Variants in KIAA1217 observed in about 807,000 individuals in gnomAD.
The protein encoded by KIAA1217 is KIAA1217.
A neutral mutation model predicts 163.9 loss-of-function variants in KIAA1217; 88 were observed. The ratio of observed to expected loss-of-function variants is 0.54; its 90% CI spans 0.45 to 0.64. The LOEUF (loss-of-function observed/expected upper bound fraction) is 0.64. Ranked by LOEUF, KIAA1217 falls within the 30% of genes least tolerant of loss-of-function variation. The pLI is 0.00. For missense variants in KIAA1217, 2,372 were observed against 2,475.0 expected, an observed-to-expected ratio of 0.96 and a Z score of 0.88; for synonymous variants, 903 against 923.1, an observed-to-expected ratio of 0.98 and a Z score of 0.39.
intron 1 of KIAA1217, among the ~76,000 whole-genome samples, chr10:23,910,246 A>G (rs1040498027): frequency 6.6e-6 from 1 of 152,018 alleles, no homozygotes; most frequent in Non-Finnish European, 1.5e-5. Context: ...GTGTATACCT[A>G]TGTAAAAAAA....
chr10:24,430,709 C>T (rs117589958), intron 3 of KIAA1217, among the ~76,000 whole-genome samples: 3 of 152,270 alleles, frequency 2.0e-5, no homozygotes, highest in African/African-American at 7.2e-5. Flanking sequence ...CCTCACCATG[C>T]GCAGTTCACA....
chr10:24,053,252 C>G (rs1849646150), intron 2 of KIAA1217, among the ~76,000 whole-genome samples: 1 of 152,058 alleles, frequency 6.6e-6, no homozygotes, highest in Non-Finnish European at 1.5e-5. Context: ...TTAAATATAT[C>G]TCTCAGGAAC....
intron 2 of KIAA1217, among the ~76,000 whole-genome samples, chr10:24,092,355 A>T (rs1372129384): frequency 2.6e-5 from 4 of 151,838 alleles, no homozygotes; most frequent in African/African-American, 4.9e-5. Flanking sequence ...CATTATCAAG[A>T]TACTAAGGAC....
intron 1 of KIAA1217, among the ~76,000 whole-genome samples, chr10:23,859,671 T>A (rs1839865131): frequency 6.6e-6 from 1 of 152,246 alleles, no homozygotes; most frequent in African/African-American, 2.4e-5. Flanking sequence ...GGCCATGGCA[T>A]GTTGCAAAGG....
intron 1 of KIAA1217, among the ~76,000 whole-genome samples, chr10:23,911,822 G>A (rs974751253): frequency 3.9e-5 from 6 of 152,092 alleles, no homozygotes; most frequent in Non-Finnish European, 8.8e-5. Context: ...TTTGCAATCA[G>A]TAGGCAGGTG....
At chr10:24,083,387 T>G (rs556868864) in intron 2 of KIAA1217, among the ~76,000 whole-genome samples, 66 of 152,362 alleles carry the variant, frequency 4.3e-4, no homozygotes, top group African/African-American at 1.5e-3. Flanking sequence ...GTTCACTATT[T>G]GAATAGCCTC....
At chr10:23,716,203 T>C (rs1229227168) in intron 1 of KIAA1217, among the ~76,000 whole-genome samples, 1 of 152,194 alleles carries the variant, frequency 6.6e-6, no homozygotes, top group African/African-American at 2.4e-5. Flanking sequence ...AAACTATGCT[T>C]AGGGCATCTG....
intron 1 of KIAA1217, among the ~76,000 whole-genome samples, chr10:23,735,393 A>G (rs1418443535): frequency 2.0e-5 from 3 of 151,806 alleles, no homozygotes; most frequent in African/African-American, 7.3e-5. Flanking sequence ...TACCACTTTA[A>G]TTTTCTCCAG....
At chr10:24,436,314 A>C (rs2060016225) in intron 4 of KIAA1217, among the ~76,000 whole-genome samples, 1 of 152,234 alleles carries the variant, frequency 6.6e-6, no homozygotes, top group South Asian at 2.1e-4. Flanking sequence ...ACAATGTTTT[A>C]TTTGGTGATG....
chr10:23,978,925 G>C (rs1211236909), intron 1 of KIAA1217, among the ~76,000 whole-genome samples: 1 of 152,150 alleles, frequency 6.6e-6, no homozygotes, highest in Non-Finnish European at 1.5e-5. Context: ...GTTATGGAAA[G>C]AAGAGTAGTC....
intron 2 of KIAA1217, among the ~76,000 whole-genome samples, chr10:24,263,126 C>G (rs539550256): frequency 1.3e-5 from 2 of 152,170 alleles, no homozygotes; most frequent in Non-Finnish European, 2.9e-5. Context: ...CTGTTCCAGA[C>G]TTGGGCTGAT....
intron 2 of KIAA1217, among the ~76,000 whole-genome samples, chr10:24,175,707 G>C (rs568371822): frequency 6.6e-6 from 1 of 152,128 alleles, no homozygotes; most frequent in African/African-American, 2.4e-5. Flanking sequence ...TGTGTTTGGA[G>C]TTTCTTCCTT....
At chr10:24,162,486 G>A (rs901584563) in intron 2 of KIAA1217, among the ~76,000 whole-genome samples, 1 of 152,168 alleles carries the variant, frequency 6.6e-6, no homozygotes, top group Non-Finnish European at 1.5e-5. Context: ...GCAGGCCCTG[G>A]AGCAAGCAGG....
At chr10:24,015,171 A>G (rs901137744) in intron 2 of KIAA1217, among the ~76,000 whole-genome samples, 2 of 152,116 alleles carry the variant, frequency 1.3e-5, no homozygotes, top group African/African-American at 4.8e-5. Flanking sequence ...TGCTTTCCTG[A>G]TTCCTCCAAA....
chr10:24,107,313 T>C (rs2062670784), intron 2 of KIAA1217, among the ~76,000 whole-genome samples: 1 of 152,224 alleles, frequency 6.6e-6, no homozygotes, highest in South Asian at 2.1e-4. Context: ...ATTCCATGTC[T>C]TCACTATTGT....
intron 1 of KIAA1217, among the ~76,000 whole-genome samples, chr10:23,856,763 A>T (rs942128622): frequency 6.6e-6 from 1 of 152,198 alleles, no homozygotes; most frequent in Admixed American, 6.5e-5. Context: ...TTGATCTCAG[A>T]CTGCTGTGCT....
intron 2 of KIAA1217, among the ~76,000 whole-genome samples, chr10:24,269,691 G>A (rs1240534522): frequency 6.6e-6 from 1 of 152,150 alleles, no homozygotes; most frequent in Non-Finnish European, 1.5e-5. Flanking sequence ...ATGTTGTTCT[G>A]GGACAGTGAG....
At chr10:24,511,003 G>C (rs2069048056) in intron 9 of KIAA1217, among the ~76,000 whole-genome samples, 1 of 151,966 alleles carries the variant, frequency 6.6e-6, no homozygotes, top group African/African-American at 2.4e-5. Context: ...TCTGTGGAGG[G>C]CAGAAATTAA....
chr10:24,076,329 G>C (rs1184073488), intron 2 of KIAA1217, among the ~76,000 whole-genome samples: 1 of 152,190 alleles, frequency 6.6e-6, no homozygotes, highest in Non-Finnish European at 1.5e-5. Context: ...GAGAGGCGCA[G>C]GGCCCCATAG....
Sources: gnomAD v4.1 joint callset for allele counts (sites outside exome capture counted in the v4.1 genomes callset) on GRCh38, gnomAD v4.1.1 for gene constraint, MANE v1.5 for transcripts, NCBI Gene and HGNC (gene_info 2026-07-23, HGNC 2026-07-21) for gene names.